SLCO1B1: variants seen among roughly 807,000 people sequenced by gnomAD.
SLCO1B1 encodes OATP-2.
Under a neutral mutation model 70.1 loss-of-function variants are expected in SLCO1B1, and 81 were observed. The ratio of observed to expected loss-of-function variants is 1.16; its 90% CI spans 0.97 to 1.39. The LOEUF (loss-of-function observed/expected upper bound fraction) is 1.39, where lower values mean the gene tolerates loss of function less well. Among genes scored for constraint, SLCO1B1 ranks in the 40% most tolerant of loss-of-function variants. The pLI is 0.00. For synonymous variants in SLCO1B1, 283 were observed against 271.5 expected (o/e 1.04, Z -0.42); for missense variants, 895 against 799.6 (o/e 1.12, Z -1.44).
chr12:21,224,794 G>C lies in SLCO1B1; in HGVS notation c.1820G>C (p.Cys607Ser). The C allele has an allele frequency of 6.2e-7, 1 of 1,610,778 alleles. No individual in the cohort carries two copies. Among genetic ancestry groups the C allele is most frequent in the Non-Finnish European group, 8.5e-7 (1 of 1,177,888 alleles). The change falls in exon 14 of 15, where the codon TGT becomes TCT. Residue 607 changes from cysteine (C) to serine (S), a missense_variant. Cys to Ser is a moderately radical substitution (Grantham distance 112, BLOSUM62 -1). Coordinates refer to ENST00000256958, the MANE Select transcript of SLCO1B1 (RefSeq NM_006446.5). ...TTCIKWSTNN[C>S]GTRGSCRTYN... is the part of the protein sequence containing the mutation. ...TGTATAAAGTGGTCCACCAACAACT[G>C]TGGCACACGTGGGTCATGTAGGACA...
At chr12:21,131,965 C>T (rs11045780) in intron 1 of SLCO1B1, among the ~76,000 whole-genome samples, 19,828 of 152,086 alleles carry the variant, frequency 0.13, 1,791 homozygotes, top group Middle Eastern at 0.23. Flanking sequence ...TTGGGCATAT[C>T]TCCTAATGCT....
chr12:21,230,499 T>A lies in SLCO1B1; in HGVS notation c.1865+5660T>A, dbSNP rs1315015814. On this transcript the variant is annotated intron_variant, in intron 14 of 14. Transcript: ENST00000256958. ...GCATGCACCACCATACCCGGCTAAT[T>A]TTGTACTTTTAGTAGAGACAAGGTT... 4.6e-5 allele frequency among the ~76,000 whole-genome samples: 7 copies of A among 151,894 alleles called. No individual in the cohort carries two copies. In the East Asian group the frequency reaches 1.4e-3, roughly 29 times the overall value.
At position 21,178,355 on chromosome 12, in the gene SLCO1B1, C is replaced by T. The variant is rs577460298; in HGVS notation, c.482-221C>T. On this transcript the variant is annotated intron_variant, in intron 5 of 14. Coordinates refer to ENST00000256958, the MANE Select transcript of SLCO1B1 (RefSeq NM_006446.5). The stretch of plus-strand genomic sequence containing the variant: ...TGAGGAACTATGAGTCCATTAGACC[C>T]TTTTCCTTTATAAATTACCCAGTCT... 1.3e-5 allele frequency among the ~76,000 whole-genome samples: 2 copies of T among 152,136 alleles called. 1 individual carries two copies. Among genetic ancestry groups the T allele is most frequent in the South Asian group, 4.2e-4 (2 of 4,814 alleles).
rs371116409 is a variant in SLCO1B1 at position 21,221,914 on chromosome 12, A to G, written c.1683-386A>G. Among the ~76,000 whole-genome samples the G allele has an allele frequency of 1.1e-4, 17 of 152,224 alleles. No homozygotes were observed. The East Asian group carries it at 2.3e-3, about 21-fold the overall frequency. On this transcript the variant is annotated intron_variant, in intron 12 of 14. Transcript: ENST00000256958. Reference sequence around the variant, plus strand: ...CAATCCAACTATTGGATATCTACCAAAAGGAAAGTAAATCATTTTATGAAA... The same window carrying G: ...CAATCCAACTATTGGATATCTACCAGAAGGAAAGTAAATCATTTTATGAAA...
chr12:21,188,259 C>T (rs1398056663), intron 7 of SLCO1B1, among the ~76,000 whole-genome samples: 1 of 152,102 alleles, frequency 6.6e-6, no homozygotes, highest in Non-Finnish European at 1.5e-5. Flanking sequence ...AAAGCAAGAC[C>T]AGTGCCTCCC....
chr12:21,230,898 G>A (rs1408564284), intron 14 of SLCO1B1, among the ~76,000 whole-genome samples: 3 of 151,902 alleles, frequency 2.0e-5, no homozygotes, highest in African/African-American at 7.3e-5. Context: ...AGGTATACAT[G>A]TGCCATGTTG....
At chr12:21,165,658 C>G (rs1940675029) in intron 2 of SLCO1B1, among the ~76,000 whole-genome samples, 1 of 152,080 alleles carries the variant, frequency 6.6e-6, no homozygotes, top group African/African-American at 2.4e-5. Context: ...CTAAAGAGAT[C>G]ATGAGAAATT....
intron 13 of SLCO1B1, among the ~76,000 whole-genome samples, chr12:21,222,948 G>T (rs1201145741): frequency 6.6e-6 from 1 of 152,074 alleles, no homozygotes; most frequent in Non-Finnish European, 1.5e-5. Context: ...TAGAAGAGAG[G>T]AAATGAGATG....
At chr12:21,176,185 T>G (rs946769464) in intron 4 of SLCO1B1, among the ~76,000 whole-genome samples, 1 of 152,164 alleles carries the variant, frequency 6.6e-6, no homozygotes, top group East Asian at 1.9e-4. Flanking sequence ...AAAAACTGTG[T>G]GTTTTATTTC....
At chr12:21,139,217 A>G (rs1350475951) in intron 1 of SLCO1B1, among the ~76,000 whole-genome samples, 1 of 152,134 alleles carries the variant, frequency 6.6e-6, no homozygotes, top group Non-Finnish European at 1.5e-5. Flanking sequence ...CCTAATATTT[A>G]AATTATGAAG....
intron 2 of SLCO1B1, among the ~76,000 whole-genome samples, chr12:21,151,954 G>C (rs566975499): frequency 2.6e-5 from 4 of 151,558 alleles, no homozygotes; most frequent in African/African-American, 7.3e-5. Flanking sequence ...GGAAATTCTC[G>C]GTTGTTATTG....
chr12:21,160,406 G>A (rs1198835580), intron 2 of SLCO1B1, among the ~76,000 whole-genome samples: 1 of 151,730 alleles, frequency 6.6e-6, no homozygotes, highest in Middle Eastern at 3.2e-3. Flanking sequence ...AGTGATTCTG[G>A]GATAACTAGC....
intron 4 of SLCO1B1, among the ~76,000 whole-genome samples, chr12:21,175,517 G>A (rs1940808924): frequency 6.6e-6 from 1 of 152,118 alleles, no homozygotes; most frequent in African/African-American, 2.4e-5. Context: ...GGAAAGAAGA[G>A]AGGATATTAG....
intron 1 of SLCO1B1, among the ~76,000 whole-genome samples, chr12:21,140,497 A>G (rs1218942580): frequency 6.6e-6 from 1 of 152,012 alleles, no homozygotes; most frequent in Non-Finnish European, 1.5e-5. Context: ...ATTGACTCCA[A>G]AACTTTAGTT....
chr12:21,168,682 C>T (rs557434432), intron 2 of SLCO1B1, among the ~76,000 whole-genome samples: 22 of 152,074 alleles, frequency 1.4e-4, no homozygotes, highest in African/African-American at 5.1e-4. Context: ...CTTTGTATAT[C>T]TTCTTTGCAG....
intron 7 of SLCO1B1, among the ~76,000 whole-genome samples, chr12:21,184,526 G>A (rs1940942174): frequency 6.6e-6 from 1 of 152,086 alleles, no homozygotes; most frequent in African/African-American, 2.4e-5. Context: ...AATTTTGTAA[G>A]TGAAAGAGAA....
chr12:21,172,930 T>C (rs1940774046), intron 3 of SLCO1B1, 139 bp downstream of exon 3: 1 of 788,068 alleles, frequency 1.3e-6, no homozygotes, highest in Non-Finnish European at 2.1e-6. Context: ...GTGGTTGTCA[T>C]AACTGCACAG....
intron 2 of SLCO1B1, among the ~76,000 whole-genome samples, chr12:21,160,880 A>G (rs943073626): frequency 1.3e-5 from 2 of 152,228 alleles, no homozygotes; most frequent in African/African-American, 4.8e-5. Flanking sequence ...AAAAGAAGAC[A>G]TACACATGGC....
At chr12:21,165,996 G>A (rs569861608) in intron 2 of SLCO1B1, among the ~76,000 whole-genome samples, 1 of 151,616 alleles carries the variant, frequency 6.6e-6, no homozygotes, top group Admixed American at 6.6e-5. Flanking sequence ...TGATTAGTCT[G>A]AGAAGCAGAA....
Sources: gnomAD v4.1 joint callset for allele counts (sites outside exome capture counted in the v4.1 genomes callset) on GRCh38, gnomAD v4.1.1 for gene constraint, MANE v1.5 for transcripts, NCBI Gene and HGNC (gene_info 2026-07-23, HGNC 2026-07-21) for gene names.